The following CTNNA3 variants were observed in gnomAD, a reference collection of about 807,000 sequenced individuals.
The protein encoded by CTNNA3 is catenin alpha 3, also known as catenin alpha-3.
In CTNNA3, 76 loss-of-function variants were observed where a neutral mutation model predicts 95.7. The observed-to-expected ratio is 0.79, with a 90% CI of 0.66 to 0.96. The LOEUF (loss-of-function observed/expected upper bound fraction) is 0.96. Ranked by LOEUF, CTNNA3 falls within the 40% of genes least tolerant of loss-of-function variation. The pLI is 0.00. For synonymous variants in CTNNA3, 431 were observed against 374.4 expected, an observed-to-expected ratio of 1.15 and a Z score of -1.74; for missense variants, 1,191 against 1,089.8, an observed-to-expected ratio of 1.09 and a Z score of -1.31.
intron 10 of CTNNA3, among the ~76,000 whole-genome samples, chr10:66,597,511 C>CATATATATATATATATATAT (rs369390875): frequency 1.4e-5 from 1 of 70,952 alleles, no homozygotes; most frequent in Non-Finnish European, 2.9e-5. Context: ...TTATTTCATA[C>CATATATATATATATATATAT]ATATATATAT....
In CTNNA3 at chr10:67,691,577, G is replaced by A. The variant is rs550823051; in HGVS notation, c.-6+4423C>T. ...CGGGATGTGAGGAGCGTCTCTGCCC[G>A]GTCGCCCCGTCTGAGAAGTGAGGAG... On this transcript the variant is annotated intron_variant, in intron 1 of 17. Transcript: ENST00000433211. Among the ~76,000 whole-genome samples the A allele has an allele frequency of 1.3e-4, 20 of 149,882 alleles. 1 individual carries two copies. In the East Asian group the frequency reaches 3.5e-3, roughly 26 times the overall value.
intron 5 of CTNNA3, among the ~76,000 whole-genome samples, chr10:67,410,404 C>T: frequency 6.6e-6 from 1 of 152,006 alleles, no homozygotes; most frequent in African/African-American, 2.4e-5. Flanking sequence ...CTAGTGGATG[C>T]TGGGCTTAAT....
chr10:66,220,537 C>T lies in CTNNA3; in HGVS notation c.1884+59933G>A, dbSNP rs193282460. On this transcript the variant is annotated intron_variant, in intron 13 of 17. Coordinates refer to ENST00000433211, the MANE Select transcript of CTNNA3 (RefSeq NM_013266.4). ...TGTGGTCTGTTAGCTTTGCTGTCTA[C>T]GGACGGCTTAAGTATTTAACAGCTC... Among the ~76,000 whole-genome samples the T allele has an allele frequency of 6.6e-5, 10 of 152,278 alleles. No individual in the cohort carries two copies. The South Asian group carries it at 8.3e-4, about 13-fold the overall frequency.
intron 13 of CTNNA3, among the ~76,000 whole-genome samples, chr10:66,164,500 A>G (rs2085019932): frequency 6.6e-6 from 1 of 151,854 alleles, no homozygotes; most frequent in Admixed American, 6.6e-5. Context: ...TCCACATGGA[A>G]TTGGACATAT....
intron 1 of CTNNA3, among the ~76,000 whole-genome samples, chr10:67,668,625 A>C (rs1237368856): frequency 6.6e-6 from 1 of 152,168 alleles, no homozygotes; most frequent in African/African-American, 2.4e-5. Flanking sequence ...ATACAGCAGG[A>C]CATGCTGGAC....
intron 1 of CTNNA3, among the ~76,000 whole-genome samples, chr10:67,648,368 T>A (rs1270040183): frequency 6.6e-6 from 1 of 152,232 alleles, no homozygotes; most frequent in Non-Finnish European, 1.5e-5. Context: ...GAATTTTAGA[T>A]GAAACCCACT....
At chr10:67,725,604 T>A (rs889831079) in intron 1 of CTNNA3, among the ~76,000 whole-genome samples, 6 of 151,804 alleles carry the variant, frequency 4.0e-5, no homozygotes, top group African/African-American at 1.5e-4. Context: ...ACAAACACAG[T>A]CATAATTATT....
chr10:67,655,600 G>A (rs907907564), intron 1 of CTNNA3, among the ~76,000 whole-genome samples: 1 of 152,104 alleles, frequency 6.6e-6, no homozygotes. Flanking sequence ...TTCAGGACCA[G>A]CCTGGCCAAC....
intron 12 of CTNNA3, among the ~76,000 whole-genome samples, chr10:66,352,797 T>A (rs74141453): frequency 0.012 from 1,770 of 152,230 alleles, 25 homozygotes; most frequent in African/African-American, 0.035. Context: ...TACAGCTACA[T>A]TAGATATTAT....
At chr10:66,816,996 C>G (rs1842112660) in intron 7 of CTNNA3, among the ~76,000 whole-genome samples, 1 of 151,950 alleles carries the variant, frequency 6.6e-6, no homozygotes, top group South Asian at 2.1e-4. Context: ...ATACAACATA[C>G]CAGAATTTAT....
chr10:66,628,127 C>G (rs1009308148), intron 9 of CTNNA3, among the ~76,000 whole-genome samples: 2 of 151,998 alleles, frequency 1.3e-5, no homozygotes, highest in Admixed American at 6.6e-5. Flanking sequence ...AATATTTTCC[C>G]ATCAAGTTAA....
intron 5 of CTNNA3, among the ~76,000 whole-genome samples, chr10:67,438,737 G>T (rs779816067): frequency 3.3e-5 from 5 of 152,174 alleles, no homozygotes; most frequent in African/African-American, 1.2e-4. Flanking sequence ...TGTGCACAAG[G>T]GGGTGGAAGA....
At chr10:67,414,133 C>A (rs558474227) in intron 5 of CTNNA3, among the ~76,000 whole-genome samples, 1 of 151,730 alleles carries the variant, frequency 6.6e-6, no homozygotes, top group African/African-American at 2.4e-5. Flanking sequence ...TACAAAAGAC[C>A]AATGAAACCA....
chr10:67,616,887 AT>A (rs1258560284), intron 2 of CTNNA3, among the ~76,000 whole-genome samples: 1 of 151,756 alleles, frequency 6.6e-6, no homozygotes, highest in African/African-American at 2.4e-5. Flanking sequence ...TTGGGGAAAA[AT>A]TTTTTTTTAA....
At chr10:67,073,599 C>A (rs1856580926) in intron 7 of CTNNA3, among the ~76,000 whole-genome samples, 1 of 149,466 alleles carries the variant, frequency 6.7e-6, no homozygotes, top group Non-Finnish European at 1.5e-5. Context: ...ATTAAAAAAA[C>A]AGAGATACAA....
Position 66,331,338 on chromosome 10 carries a change from G to GC in CTNNA3, c.1732+47813_1732+47814insG, listed in dbSNP as rs1417713676. Among the ~76,000 whole-genome samples, 4 of 39,106 alleles carry GC rather than the reference G, an allele frequency of 1.0e-4. 1 individual carries two copies. Among genetic ancestry groups the GC allele is most frequent in the South Asian group, 1.2e-3 (1 of 820 alleles). The allele number at this position is 39,106 out of a possible 152,430, so 25.7% of individuals were successfully genotyped here. ...TTAAATATGGACTCCTTTCCCCATT[G>GC]TTTGTTTTTTTTTTTTTTTTTTTTT... On this transcript the variant is annotated intron_variant, in intron 12 of 17. Coordinates refer to ENST00000433211, the MANE Select transcript of CTNNA3 (RefSeq NM_013266.4).
In CTNNA3 at chr10:66,506,100, G is replaced by A. The variant is rs12218317; in HGVS notation, c.1531+14517C>T. 5.1e-3 allele frequency among the ~76,000 whole-genome samples: 773 copies of A among 152,168 alleles called. 22 individuals carry two copies. In the East Asian group the frequency reaches 0.077, roughly 15 times the overall value. ...TGGTAAGGGAGGAAGCAAAGGGTGC[G>A]GGGTGCCAGGCTCTTTCAAATAACC... On this transcript the variant is annotated intron_variant, in intron 11 of 17. Transcript: ENST00000433211.
chr10:67,124,259 T>TTA (rs1051367959), intron 7 of CTNNA3, among the ~76,000 whole-genome samples: 3 of 152,018 alleles, frequency 2.0e-5, no homozygotes, highest in African/African-American at 4.8e-5. Flanking sequence ...TTATACTTAA[T>TTA]TATGATTAAT....
At chr10:66,191,644 C>A (rs140479811) in intron 13 of CTNNA3, among the ~76,000 whole-genome samples, 3 of 152,026 alleles carry the variant, frequency 2.0e-5, no homozygotes, top group African/African-American at 7.2e-5. Flanking sequence ...CCTGTAGCAC[C>A]CATGTATATC....
Sources: gnomAD v4.1 joint callset for allele counts (sites outside exome capture counted in the v4.1 genomes callset) on GRCh38, gnomAD v4.1.1 for gene constraint, MANE v1.5 for transcripts, NCBI Gene and HGNC (gene_info 2026-07-23, HGNC 2026-07-21) for gene names.